The following TTLL7 variants were observed in gnomAD, a reference collection of about 807,000 sequenced individuals.
TTLL7 encodes tubulin polyglutamylase TTLL7.
TTLL7 carries 53 observed loss-of-function variants against 120.2 expected under a neutral mutation model. That is an observed-to-expected ratio of 0.44 (90% CI 0.35 to 0.55). The LOEUF (loss-of-function observed/expected upper bound fraction) is 0.55. Among genes scored for constraint, TTLL7 ranks in the 20% least tolerant of loss-of-function variants. The pLI is 0.00. For missense variants in TTLL7, 803 were observed against 1,054.7 expected (o/e 0.76, Z 3.31); for synonymous variants, 353 against 351.7 (o/e 1.00, Z -0.04).
intron 10 of TTLL7, among the ~76,000 whole-genome samples, chr1:83,927,545 A>T (rs1047453878): frequency 2.0e-5 from 3 of 152,168 alleles, no homozygotes; most frequent in Non-Finnish European, 4.4e-5. Context: ...GCCTAACTAA[A>T]ACAGTTTGGG....
intron 5 of TTLL7, among the ~76,000 whole-genome samples, chr1:83,948,381 T>C (rs903133525): frequency 6.6e-6 from 1 of 152,198 alleles, no homozygotes; most frequent in Non-Finnish European, 1.5e-5. Flanking sequence ...CTGATTCTGA[T>C]CCACCTCTGC....
At chr1:83,919,940 AC>A in intron 12 of TTLL7, 106 bp from the exon 13 acceptor site, 4 of 1,029,670 alleles carry the variant, frequency 3.9e-6, no homozygotes, top group Non-Finnish European at 5.6e-6. Flanking sequence ...TATACCAGTC[AC>A]ATTGCCAGGT....
chr1:83,969,904 A>G (rs546691249), intron 1 of TTLL7, among the ~76,000 whole-genome samples: 2 of 152,148 alleles, frequency 1.3e-5, no homozygotes, highest in South Asian at 4.1e-4. Flanking sequence ...GTATTTTACC[A>G]TGAAAGAATG....
At chr1:83,983,299 C>G (rs1392927701) in intron 1 of TTLL7, among the ~76,000 whole-genome samples, 1 of 152,074 alleles carries the variant, frequency 6.6e-6, no homozygotes, top group African/African-American at 2.4e-5. Flanking sequence ...CCACTGCACT[C>G]CAGACTGGTG....
intron 1 of TTLL7, among the ~76,000 whole-genome samples, chr1:83,956,152 A>G (rs1649490454): frequency 6.6e-6 from 1 of 152,090 alleles, no homozygotes; most frequent in Non-Finnish European, 1.5e-5. Flanking sequence ...TGTTTTTTAG[A>G]GACAATCATA....
chr1:83,971,486 T>C (rs116397948), intron 1 of TTLL7, among the ~76,000 whole-genome samples: 2,758 of 152,202 alleles, frequency 0.018, 44 homozygotes, highest in Non-Finnish European at 0.027. Flanking sequence ...AGGTATTCCA[T>C]ATTTACTCAG....
At chr1:83,970,617 A>G (rs1650885519) in intron 1 of TTLL7, among the ~76,000 whole-genome samples, 2 of 152,160 alleles carry the variant, frequency 1.3e-5, no homozygotes, top group African/African-American at 2.4e-5. Flanking sequence ...AAATTAAAAG[A>G]TAATTGCTAA....
rs929959547 is a variant in TTLL7 at position 83,940,460 on chromosome 1, T to C, written c.723+2003A>G. ...AGAACAGATACATTTGGAGGTCACA[T>C]AGGCCTTTAAACTGAATACATCCGC... On this transcript the variant is annotated intron_variant, in intron 7 of 20. Coordinates refer to ENST00000260505, the MANE Select transcript of TTLL7 (RefSeq NM_024686.6). Among the ~76,000 whole-genome samples the C allele has an allele frequency of 7.9e-5, 12 of 152,180 alleles. No homozygotes were observed. In the South Asian group the frequency reaches 1.2e-3, roughly 16 times the overall value.
At chr1:83,918,963 G>A (rs1351923168) in intron 13 of TTLL7, among the ~76,000 whole-genome samples, 3 of 152,014 alleles carry the variant, frequency 2.0e-5, no homozygotes, top group African/African-American at 7.2e-5. Context: ...ACTATATTGA[G>A]AGGTCTGACT....
intron 1 of TTLL7, chr1:83,981,449 A>G (rs1651944023): frequency 6.6e-6 from 1 of 152,214 alleles, no homozygotes; most frequent in African/African-American, 2.4e-5. Flanking sequence ...CACCAAGAAG[A>G]TATAACAATA....
chr1:83,873,800 A>G (rs538528396), intron 20 of TTLL7, among the ~76,000 whole-genome samples: 1 of 152,252 alleles, frequency 6.6e-6, no homozygotes, highest in East Asian at 1.9e-4. Context: ...GATAGAAATT[A>G]ACCTTGAAAA....
At chr1:83,916,141 GTA>G (rs1273196503) in intron 14 of TTLL7, among the ~76,000 whole-genome samples, 1 of 152,160 alleles carries the variant, frequency 6.6e-6, no homozygotes, top group Non-Finnish European at 1.5e-5. Context: ...CCATTACTGG[GTA>G]TATCCCCAAA....
At position 83,922,917 on chromosome 1, in the gene TTLL7, G is replaced by C. The variant is rs559952142; in HGVS notation, c.1143-1523C>G. On this transcript the variant is annotated intron_variant, in intron 10 of 20. Coordinates refer to ENST00000260505, the MANE Select transcript of TTLL7 (RefSeq NM_024686.6). ...GAACAGGGGAGCAACAAAGGGATTA[G>C]AGAAAAAAGGTAAGTTTAGAGTAAT... Among the ~76,000 whole-genome samples the C allele has an allele frequency of 1.1e-3, 172 of 150,688 alleles. 5 individuals are homozygous for C. The highest frequency in any genetic ancestry group is 2.1e-3 in the Non-Finnish European group (141 of 67,626).
intron 18 of TTLL7, among the ~76,000 whole-genome samples, chr1:83,892,267 C>T (rs1460719174): frequency 8.0e-4 from 75 of 94,310 alleles, no homozygotes; most frequent in Admixed American, 2.1e-3. Flanking sequence ...AATATATATA[C>T]GAATATATAT....
chr1:83,930,362 A>G (rs1659494438), intron 9 of TTLL7, among the ~76,000 whole-genome samples: 1 of 152,114 alleles, frequency 6.6e-6, no homozygotes, highest in South Asian at 2.1e-4. Flanking sequence ...TTATAGAGAT[A>G]TGCCATGTTG....
At position 83,868,457 on chromosome 1, in the gene TTLL7, C is replaced by T. The variant is rs1273426341; in HGVS notation, c.*1505G>A. 2.0e-5 allele frequency: 3 copies of T among 152,174 alleles called. No individual in the cohort carries two copies. The highest frequency in any genetic ancestry group is 2.9e-5 in the Non-Finnish European group (2 of 68,016). 9.4% of individuals were successfully genotyped at this position (152,174 alleles called of 1,614,324 possible). A position where few individuals can be genotyped will look rare whatever the true frequency, so the allele number is the denominator to read the frequency against. On this transcript the variant is annotated 3_prime_UTR_variant, in exon 21 of 21. Coordinates refer to ENST00000260505, the MANE Select transcript of TTLL7 (RefSeq NM_024686.6). ...GAAAAGGAAGTAAACTGCTATGAAA[C>T]TTATGCATAACAACTTTGGACAAGA...
At chr1:83,884,319 C>T (rs1002850448) in intron 19 of TTLL7, among the ~76,000 whole-genome samples, 1 of 151,786 alleles carries the variant, frequency 6.6e-6, no homozygotes, top group Non-Finnish European at 1.5e-5. Context: ...GTATTCAGGA[C>T]AATATTTTCC....
chr1:83,940,037 T>C (rs1361274843), intron 7 of TTLL7, among the ~76,000 whole-genome samples: 2 of 152,158 alleles, frequency 1.3e-5, no homozygotes, highest in African/African-American at 2.4e-5. Context: ...TAGAGATATA[T>C]GAGTGATACT....
intron 18 of TTLL7, among the ~76,000 whole-genome samples, chr1:83,902,450 T>C (rs904717564): frequency 2.0e-5 from 3 of 152,002 alleles, no homozygotes; most frequent in African/African-American, 7.2e-5. Flanking sequence ...ATCGCTAACA[T>C]CCACATTGCC....
Sources: allele counts gnomAD v4.1 joint callset (sites outside exome capture counted in the v4.1 genomes callset), GRCh38; gene constraint gnomAD v4.1.1; transcripts MANE v1.5; gene names NCBI Gene and HGNC (gene_info 2026-07-23, HGNC 2026-07-21).